Variants in FILIP1L observed in about 807,000 individuals in gnomAD.
FILIP1L encodes filamin A interacting protein 1 like.
FILIP1L carries 55 observed loss-of-function variants against 96.6 expected under a neutral mutation model. That is an observed-to-expected ratio of 0.57 (90% CI 0.46 to 0.71). The LOEUF is 0.71. Ranked by LOEUF, FILIP1L falls within the 30% of genes least tolerant of loss-of-function variation. The pLI is 0.00. For synonymous variants in FILIP1L, 467 were observed against 473.9 expected, an observed-to-expected ratio of 0.99 and a Z score of 0.19; for missense variants, 1,304 against 1,321.2, an observed-to-expected ratio of 0.99 and a Z score of 0.20.
At chr3:99,831,517 G>A (rs1252863857) in intron 5 of FILIP1L, among the ~76,000 whole-genome samples, 1 of 152,212 alleles carries the variant, frequency 6.6e-6, no homozygotes, top group Non-Finnish European at 1.5e-5. Context: ...GGACATTTCT[G>A]TGAACAACCA....
At chr3:99,985,035 A>C (rs1709290322) in intron 1 of FILIP1L, among the ~76,000 whole-genome samples, 1 of 152,212 alleles carries the variant, frequency 6.6e-6, no homozygotes, top group Non-Finnish European at 1.5e-5. Flanking sequence ...AGGAAGGTAT[A>C]AGGGGCAGGG....
intron 4 of FILIP1L, chr3:99,874,198 T>C (rs1051720697): frequency 6.6e-6 from 1 of 152,170 alleles, no homozygotes; most frequent in Non-Finnish European, 1.5e-5. Context: ...TAAAAGACAC[T>C]GGGAAACACA....
chr3:99,956,477 C>G (rs1004241110), intron 1 of FILIP1L, among the ~76,000 whole-genome samples: 1 of 152,162 alleles, frequency 6.6e-6, no homozygotes, highest in Non-Finnish European at 1.5e-5. Flanking sequence ...CTCAGCCTCC[C>G]TAGTAGCTGG....
At chr3:99,993,877 A>G (rs1709597622) in intron 1 of FILIP1L, among the ~76,000 whole-genome samples, 1 of 152,066 alleles carries the variant, frequency 6.6e-6, no homozygotes, top group Non-Finnish European at 1.5e-5. Flanking sequence ...TTTATTTACT[A>G]GTATTTTGTT....
At chr3:99,979,417 A>G (rs1709057604) in intron 1 of FILIP1L, among the ~76,000 whole-genome samples, 1 of 152,212 alleles carries the variant, frequency 6.6e-6, no homozygotes, top group African/African-American at 2.4e-5. Context: ...ATGTTATATC[A>G]TGTCCACTTT....
chr3:99,978,194 C>T (rs1709023942), intron 1 of FILIP1L, among the ~76,000 whole-genome samples: 2 of 152,054 alleles, frequency 1.3e-5, no homozygotes, highest in African/African-American at 4.8e-5. Flanking sequence ...TTCAGGAATT[C>T]CCTCATGGAA....
At chr3:99,917,218 C>G (rs1301118620) in intron 4 of FILIP1L, among the ~76,000 whole-genome samples, 1 of 152,136 alleles carries the variant, frequency 6.6e-6, no homozygotes, top group South Asian at 2.1e-4. Flanking sequence ...TGTGTTTAAT[C>G]TCCTTTTTGC....
In FILIP1L at chr3:99,871,606, C is replaced by T. The variant is rs139754817; in HGVS notation, c.606-20536G>A. Among the ~76,000 whole-genome samples the T allele has an allele frequency of 4.6e-3, 695 of 152,270 alleles. 2 individuals are homozygous for T. The highest frequency in any genetic ancestry group is 7.1e-3 in the South Asian group (34 of 4,816). On this transcript the variant is annotated intron_variant, in intron 4 of 5. Coordinates refer to ENST00000477258, the MANE Select transcript of FILIP1L (RefSeq NM_001387850.1). ...TAGCCTTCATAGGTGACTTCCTCTGCAGTTTTGGGGGAGGTTGTTTTGAAG... is the reference window on the plus strand; with the variant it reads ...TAGCCTTCATAGGTGACTTCCTCTGTAGTTTTGGGGGAGGTTGTTTTGAAG...
chr3:99,842,293 G>A (rs938639685), intron 5 of FILIP1L, among the ~76,000 whole-genome samples: 1 of 152,152 alleles, frequency 6.6e-6, no homozygotes, highest in African/African-American at 2.4e-5. Context: ...TGAGGACACA[G>A]AGGCATAAGA....
intron 1 of FILIP1L, among the ~76,000 whole-genome samples, chr3:100,020,760 CTTTTTTTTTTT>C (rs34665880): frequency 1.4e-5 from 1 of 70,994 alleles, no homozygotes; most frequent in Non-Finnish European, 2.4e-5. Context: ...GAATAATTAG[CTTTTTTTTTTT>C]TTTTTTTTTT....
chr3:99,899,429 T>C (rs1706365595), intron 4 of FILIP1L, among the ~76,000 whole-genome samples: 1 of 152,244 alleles, frequency 6.6e-6, no homozygotes, highest in Non-Finnish European at 1.5e-5. Context: ...TATTGGAAAT[T>C]ATTCTACCTA....
chr3:99,944,186 T>G (rs1204603359), intron 1 of FILIP1L, among the ~76,000 whole-genome samples: 2 of 152,140 alleles, frequency 1.3e-5, no homozygotes, highest in African/African-American at 2.4e-5. Flanking sequence ...AAACAAGTAT[T>G]TTAAGAGTGT....
At chr3:99,952,376 C>A (rs893029653) in intron 1 of FILIP1L, among the ~76,000 whole-genome samples, 1 of 152,112 alleles carries the variant, frequency 6.6e-6, no homozygotes, top group Non-Finnish European at 1.5e-5. Context: ...GTTCTTCTGC[C>A]AGTCATTATG....
chr3:100,102,240 G>A lies in FILIP1L; in HGVS notation c.-11+11813C>T, dbSNP rs535695278. ...GAACTAGTTTACAGTCCCATCAACA[G>A]TGTAAAAGTGTTCCTATTTCTCCAC... On this transcript the variant is annotated intron_variant, in intron 1 of 5. Coordinates refer to ENST00000477258, the MANE Select transcript of FILIP1L (RefSeq NM_001387850.1). 3.9e-4 allele frequency among the ~76,000 whole-genome samples: 59 copies of A among 152,312 alleles called. No homozygotes were observed. In the South Asian group the frequency reaches 0.012, roughly 30 times the overall value.
chr3:99,881,871 T>C (rs978614856), intron 4 of FILIP1L, among the ~76,000 whole-genome samples: 1 of 152,152 alleles, frequency 6.6e-6, no homozygotes, highest in Non-Finnish European at 1.5e-5. Flanking sequence ...AAGAAACCAC[T>C]GACAGATTTT....
chr3:100,019,974 G>T (rs2064778069), intron 1 of FILIP1L, among the ~76,000 whole-genome samples: 1 of 152,118 alleles, frequency 6.6e-6, no homozygotes. Context: ...TAAAAGCTCT[G>T]TGTGTATTAT....
chr3:99,967,799 T>G (rs1365807130), intron 1 of FILIP1L, among the ~76,000 whole-genome samples: 1 of 152,206 alleles, frequency 6.6e-6, no homozygotes, highest in East Asian at 1.9e-4. Flanking sequence ...CAACCAATAC[T>G]CCTTGAGTGC....
intron 1 of FILIP1L, among the ~76,000 whole-genome samples, chr3:100,055,198 C>A (rs1157136346): frequency 4.6e-5 from 7 of 152,188 alleles, no homozygotes; most frequent in Admixed American, 2.0e-4. Flanking sequence ...TTATCAATTT[C>A]TTCGTGTATG....
intron 5 of FILIP1L, among the ~76,000 whole-genome samples, chr3:99,844,217 G>GC (rs1365629537): frequency 6.6e-6 from 1 of 152,168 alleles, no homozygotes; most frequent in Non-Finnish European, 1.5e-5. Flanking sequence ...CAATTAACCA[G>GC]CAGAAGAGTT....
Sources: gnomAD v4.1 joint callset for allele counts (sites outside exome capture counted in the v4.1 genomes callset) on GRCh38, gnomAD v4.1.1 for gene constraint, MANE v1.5 for transcripts, NCBI Gene and HGNC (gene_info 2026-07-23, HGNC 2026-07-21) for gene names.